Variants in PTPN2 observed in about 807,000 individuals in gnomAD.
PTPN2 encodes tyrosine-protein phosphatase non-receptor type 2.
PTPN2 carries 19 observed loss-of-function variants against 57.3 expected under a neutral mutation model. That is an observed-to-expected ratio of 0.33 (90% CI 0.23 to 0.49). PTPN2 has a LOEUF of 0.49. PTPN2 is among the 20% of genes least tolerant of loss of function. The probability of loss-of-function intolerance (pLI) is 0.99; values close to 1 mark genes in which losing one functional copy is unlikely to be tolerated. For missense variants in PTPN2, 358 were observed against 501.1 expected, an observed-to-expected ratio of 0.71 and a Z score of 2.73; for synonymous variants, 153 against 164.9, an observed-to-expected ratio of 0.93 and a Z score of 0.55.
Position 12,793,542 on chromosome 18 carries a change from CTTTG to C in PTPN2, c.*732_*735del, listed in dbSNP as rs957380233. 57 of 979,932 alleles carry C rather than the reference CTTTG, an allele frequency of 5.8e-5. No homozygotes were observed. The African/African-American group carries it at 9.3e-4, about 16-fold the overall frequency. The allele number at this position is 979,932 out of a possible 1,614,324, so 60.7% of individuals were successfully genotyped here. ...ATATTTTTAGGAAAAACTTTTGTTT[CTTTG>C]TTTGCTTTTCTTTTTAAAATGGGGA... On this transcript the variant is annotated 3_prime_UTR_variant, in exon 9 of 9. Transcript: ENST00000309660.
At chr18:12,883,632 C>G (rs1309123186) in intron 1 of PTPN2, 1 of 153,606 alleles carries the variant, frequency 6.5e-6, no homozygotes, top group Non-Finnish European at 1.5e-5. Context: ...CCACAAAACA[C>G]CCGGCCAGAG....
chr18:12,849,906 G>A (rs1002930870), intron 2 of PTPN2, among the ~76,000 whole-genome samples: 1 of 151,970 alleles, frequency 6.6e-6, no homozygotes, highest in Non-Finnish European at 1.5e-5. Context: ...TAAAATTGTT[G>A]GCAGTATTCA....
intron 1 of PTPN2, among the ~76,000 whole-genome samples, chr18:12,874,219 C>A (rs112797445): frequency 6.7e-6 from 1 of 148,952 alleles, no homozygotes; most frequent in African/African-American, 2.5e-5. Flanking sequence ...GTCAGCCCCC[C>A]GCCCGGCCAG....
At chr18:12,859,836 A>G (rs1293659613) in intron 1 of PTPN2, among the ~76,000 whole-genome samples, 1 of 152,244 alleles carries the variant, frequency 6.6e-6, no homozygotes, top group Non-Finnish European at 1.5e-5. Context: ...CCTTAAAAAA[A>G]AAATTATTTC....
At position 12,795,444 on chromosome 18, in the gene PTPN2, C is replaced by A. The variant is rs568296976; in HGVS notation, c.1041-959G>T. On this transcript the variant is annotated intron_variant, in intron 8 of 8. Coordinates refer to ENST00000309660, the MANE Select transcript of PTPN2 (RefSeq NM_002828.4). ...AAGTAGCTGGGATTACAGACGTGCACCACCACGCCTGGCTAATTTTTTTGT... is the reference window on the plus strand; with the variant it reads ...AAGTAGCTGGGATTACAGACGTGCAACACCACGCCTGGCTAATTTTTTTGT... Among the ~76,000 whole-genome samples the A allele has an allele frequency of 2.6e-5, 4 of 152,266 alleles. No individual in the cohort carries two copies. In the South Asian group the frequency reaches 8.3e-4, roughly 32 times the overall value.
chr18:12,828,089 C>T (rs1016548058), intron 4 of PTPN2, among the ~76,000 whole-genome samples: 1 of 152,066 alleles, frequency 6.6e-6, no homozygotes, highest in Non-Finnish European at 1.5e-5. Flanking sequence ...GTCCATTAGA[C>T]TTTGGTGGAA....
intron 1 of PTPN2, among the ~76,000 whole-genome samples, chr18:12,875,937 G>T (rs1456181758): frequency 6.6e-6 from 1 of 152,174 alleles, no homozygotes; most frequent in Non-Finnish European, 1.5e-5. Flanking sequence ...GATTCTGGTT[G>T]GCCAAGCACT....
intron 1 of PTPN2, among the ~76,000 whole-genome samples, chr18:12,873,335 C>T (rs919087784): frequency 4.6e-5 from 7 of 152,114 alleles, no homozygotes; most frequent in African/African-American, 1.4e-4. Context: ...CCTCTGATGC[C>T]GAGCCGAAGC....
chr18:12,801,623 A>G (rs185345063), intron 8 of PTPN2, among the ~76,000 whole-genome samples: 8 of 152,266 alleles, frequency 5.3e-5, no homozygotes, highest in Admixed American at 5.2e-4. Flanking sequence ...GTGGGAGTGC[A>G]GTGGTGGTAT....
intron 2 of PTPN2, 29 bp downstream of exon 2, chr18:12,859,135 C>T: frequency 6.4e-7 from 1 of 1,570,276 alleles, no homozygotes; most frequent in Non-Finnish European, 8.7e-7. Flanking sequence ...CCAAAAAATA[C>T]ACATGCACAC....
intron 2 of PTPN2, among the ~76,000 whole-genome samples, chr18:12,846,661 T>C (rs932126655): frequency 1.3e-5 from 2 of 152,252 alleles, no homozygotes; most frequent in African/African-American, 4.8e-5. Flanking sequence ...TCCAAAGCTC[T>C]ATTCTCCTCC....
At chr18:12,883,868 TGC>T in intron 1 of PTPN2, 1 of 486,580 alleles carries the variant, frequency 2.1e-6, no homozygotes, top group Non-Finnish European at 3.5e-6. Context: ...AGCTCAAGTA[TGC>T]TTTTTTTTTT....
intron 1 of PTPN2, among the ~76,000 whole-genome samples, chr18:12,874,649 C>G (rs1180369088): frequency 6.7e-6 from 1 of 148,580 alleles, no homozygotes; most frequent in African/African-American, 2.5e-5. Flanking sequence ...GGTCAGCCCC[C>G]CGCCCGGCCA....
intron 7 of PTPN2, among the ~76,000 whole-genome samples, chr18:12,807,982 G>C (rs931261877): frequency 6.6e-6 from 1 of 152,072 alleles, no homozygotes; most frequent in Non-Finnish European, 1.5e-5. Flanking sequence ...CCAGGAGTTT[G>C]AGATCAGCCT....
At chr18:12,825,421 C>T in intron 5 of PTPN2, among the ~76,000 whole-genome samples, 1 of 152,056 alleles carries the variant, frequency 6.6e-6, no homozygotes, top group East Asian at 1.9e-4. Context: ...GGAGGGAAGG[C>T]GTGGTAACCT....
intron 2 of PTPN2, among the ~76,000 whole-genome samples, chr18:12,854,826 G>C (rs1260497726): frequency 1.3e-5 from 2 of 152,090 alleles, no homozygotes; most frequent in Non-Finnish European, 2.9e-5. Flanking sequence ...GGGCCAAAGA[G>C]GAAAATCAGA....
At chr18:12,815,615 G>A (rs111940058) in intron 6 of PTPN2, among the ~76,000 whole-genome samples, 15 of 152,222 alleles carry the variant, frequency 9.9e-5, no homozygotes, top group African/African-American at 3.4e-4. Flanking sequence ...CAGGGAACAG[G>A]TGTCATTAAC....
chr18:12,870,155 G>C (rs908650193), intron 1 of PTPN2, among the ~76,000 whole-genome samples: 3 of 149,430 alleles, frequency 2.0e-5, no homozygotes, highest in African/African-American at 7.5e-5. Context: ...TTTTATGTGT[G>C]TTATCTAAGA....
intron 7 of PTPN2, 113 bp from the exon 8 acceptor site, chr18:12,802,264 G>T: frequency 2.4e-6 from 2 of 825,548 alleles, no homozygotes; most frequent in Non-Finnish European, 3.6e-6. Flanking sequence ...ACCCAATGAT[G>T]CTAAAAGATG....
Sources: gnomAD v4.1 joint callset for allele counts (sites outside exome capture counted in the v4.1 genomes callset) on GRCh38, gnomAD v4.1.1 for gene constraint, MANE v1.5 for transcripts, NCBI Gene and HGNC (gene_info 2026-07-23, HGNC 2026-07-21) for gene names.